Variants in ROBO1 observed in about 807,000 individuals in gnomAD.
ROBO1 encodes the protein roundabout guidance receptor 1, also known as roundabout homolog 1.
A neutral mutation model predicts 195.9 loss-of-function variants in ROBO1; 149 were observed. The ratio of observed to expected loss-of-function variants is 0.76; its 90% CI spans 0.67 to 0.87. The LOEUF is 0.87. Among genes scored for constraint, ROBO1 ranks in the 40% least tolerant of loss-of-function variants. The pLI is 0.00. For missense variants in ROBO1, 1,933 were observed against 2,068.3 expected (o/e 0.93, Z 1.27); for synonymous variants, 816 against 733.2 (o/e 1.11, Z -1.82).
intron 1 of ROBO1, among the ~76,000 whole-genome samples, chr3:79,762,931 A>G (rs1704791660): frequency 6.6e-6 from 1 of 152,082 alleles, no homozygotes; most frequent in Non-Finnish European, 1.5e-5. Flanking sequence ...TTTTCACTAC[A>G]TGATCATAGG....
chr3:78,793,617 A>G (rs1474176221), intron 4 of ROBO1, among the ~76,000 whole-genome samples: 1 of 152,222 alleles, frequency 6.6e-6, no homozygotes, highest in Admixed American at 6.5e-5. Flanking sequence ...CAAATAAGCC[A>G]TCAATAGCAA....
intron 1 of ROBO1, among the ~76,000 whole-genome samples, chr3:79,656,621 G>C (rs969236675): frequency 1.3e-5 from 2 of 152,066 alleles, no homozygotes; most frequent in South Asian, 4.1e-4. Flanking sequence ...TGGCTGGGAG[G>C]GATGGGCTCA....
intron 1 of ROBO1, among the ~76,000 whole-genome samples, chr3:79,700,317 TTGTGTGTG>T (rs71130610): frequency 2.1e-5 from 3 of 144,252 alleles, no homozygotes; most frequent in Non-Finnish European, 3.0e-5. Flanking sequence ...GTGTGTGTGT[TTGTGTGTG>T]TGTGTGTGTG....
chr3:79,566,356 T>C (rs1357065653), intron 2 of ROBO1, among the ~76,000 whole-genome samples: 2 of 152,096 alleles, frequency 1.3e-5, no homozygotes, highest in African/African-American at 4.8e-5. Flanking sequence ...GAAAGCAAAA[T>C]AAATTATAAT....
At position 79,649,867 on chromosome 3, in the gene ROBO1, C is replaced by T. The variant is rs72892197; in HGVS notation, c.-50-59906G>A. On this transcript the variant is annotated intron_variant, in intron 1 of 30. Coordinates refer to ENST00000464233, the MANE Select transcript of ROBO1 (RefSeq NM_002941.4). ...CTTCTGGAGATCGGACGCATCCTTC[C>T]TCTCCTGTCTACCTGTCTATCCATC... is the stretch of plus-strand genomic sequence containing the variant. 6.6e-3 allele frequency among the ~76,000 whole-genome samples: 1,003 copies of T among 152,106 alleles called. 10 individuals are homozygous for T. Among genetic ancestry groups the T allele is most frequent in the African/African-American group, 0.023 (945 of 41,514 alleles).
chr3:79,433,802 T>A (rs1185726995), intron 2 of ROBO1, among the ~76,000 whole-genome samples: 2 of 152,164 alleles, frequency 1.3e-5, no homozygotes, highest in African/African-American at 4.8e-5. Context: ...CTTCAAACTA[T>A]ACTACAAGGC....
intron 5 of ROBO1, among the ~76,000 whole-genome samples, chr3:78,724,016 G>A (rs1442701104): frequency 6.6e-6 from 1 of 151,986 alleles, no homozygotes; most frequent in Non-Finnish European, 1.5e-5. Flanking sequence ...GGACCCCAAA[G>A]TAGATGATAC....
At chr3:78,868,689 A>G (rs1046988650) in intron 4 of ROBO1, among the ~76,000 whole-genome samples, 1 of 152,128 alleles carries the variant, frequency 6.6e-6, no homozygotes, top group African/African-American at 2.4e-5. Context: ...CTTATATAAC[A>G]CTGAAGCAGG....
At chr3:78,626,204 A>G (rs1042856981) in intron 26 of ROBO1, among the ~76,000 whole-genome samples, 3 of 152,202 alleles carry the variant, frequency 2.0e-5, no homozygotes, top group Non-Finnish European at 4.4e-5. Context: ...TTGGCTTCTA[A>G]TAAGAGTAGC....
chr3:78,636,236 C>A (rs1705492889), intron 22 of ROBO1, 128 bp from the exon 23 acceptor site: 50 of 578,178 alleles, frequency 8.6e-5, no homozygotes, highest in East Asian at 1.5e-4. Flanking sequence ...TAAATAAGAT[C>A]AATAAAAACG....
In ROBO1 at chr3:79,626,688, T is replaced by C. The variant is rs571926906; in HGVS notation, c.-50-36727A>G. The stretch of plus-strand genomic sequence containing the variant: ...GAGAAAGAAATAAAGGATATTCAAA[T>C]AGGAAGAGAGGAAGTTAAATTGTCT... On this transcript the variant is annotated intron_variant, in intron 1 of 30. Transcript: ENST00000464233. Among the ~76,000 whole-genome samples, 4 of 152,230 alleles carry C rather than the reference T, an allele frequency of 2.6e-5. No homozygotes were observed. In the South Asian group the frequency reaches 8.3e-4, roughly 32 times the overall value.
rs368048852 is a variant in ROBO1 at position 78,836,101 on chromosome 3, G to A, written c.500-89201C>T. 8.6e-5 allele frequency among the ~76,000 whole-genome samples: 13 copies of A among 151,996 alleles called. No homozygotes were observed. The East Asian group carries it at 2.5e-3, about 29-fold the overall frequency. On this transcript the variant is annotated intron_variant, in intron 4 of 30. Transcript: ENST00000464233. ...CAAAGATTGACAGAATATGCCTAATGGTAAAATTTGTAAATCAATACTTAG... is the reference window on the plus strand; with the variant it reads ...CAAAGATTGACAGAATATGCCTAATAGTAAAATTTGTAAATCAATACTTAG...
At chr3:79,064,033 G>A (rs1477662755) in intron 3 of ROBO1, among the ~76,000 whole-genome samples, 1 of 151,826 alleles carries the variant, frequency 6.6e-6, no homozygotes, top group Admixed American at 6.6e-5. Flanking sequence ...TTACACAGTA[G>A]AGCAACCGTA....
At chr3:78,836,688 G>T (rs2032763961) in intron 4 of ROBO1, among the ~76,000 whole-genome samples, 1 of 151,860 alleles carries the variant, frequency 6.6e-6, no homozygotes, top group Non-Finnish European at 1.5e-5. Context: ...TGTATAAGGT[G>T]GTCAACTGAC....
chr3:79,068,528 T>C (rs1398648085), intron 3 of ROBO1, among the ~76,000 whole-genome samples: 1 of 151,858 alleles, frequency 6.6e-6, no homozygotes, highest in Admixed American at 6.6e-5. Flanking sequence ...CTACATAGAA[T>C]TTCCTGAAAA....
intron 3 of ROBO1, among the ~76,000 whole-genome samples, chr3:78,955,687 T>C (rs2041013974): frequency 6.6e-6 from 1 of 152,188 alleles, no homozygotes; most frequent in Non-Finnish European, 1.5e-5. Context: ...TGTGTTATAC[T>C]TCAATAACTC....
At chr3:79,671,815 A>G (rs896712174) in intron 1 of ROBO1, among the ~76,000 whole-genome samples, 3 of 151,920 alleles carry the variant, frequency 2.0e-5, no homozygotes, top group Non-Finnish European at 4.4e-5. Flanking sequence ...ACAGATGCCA[A>G]TTAGCATAAT....
At chr3:78,860,414 T>C (rs1316195922) in intron 4 of ROBO1, among the ~76,000 whole-genome samples, 5 of 150,816 alleles carry the variant, frequency 3.3e-5, no homozygotes, top group African/African-American at 1.2e-4. Flanking sequence ...CTAATTATTC[T>C]AGTCTACCTG....
At chr3:79,438,434 A>G (rs2038954966) in intron 2 of ROBO1, among the ~76,000 whole-genome samples, 1 of 152,036 alleles carries the variant, frequency 6.6e-6, no homozygotes, top group East Asian at 1.9e-4. Flanking sequence ...ATTAAGATGT[A>G]CTATTCCTTA....
Sources: gnomAD v4.1 joint callset for allele counts (sites outside exome capture counted in the v4.1 genomes callset) on GRCh38, gnomAD v4.1.1 for gene constraint, MANE v1.5 for transcripts, NCBI Gene and HGNC (gene_info 2026-07-23, HGNC 2026-07-21) for gene names.